The following KHDRBS2 variants were observed in gnomAD, a reference collection of about 807,000 sequenced individuals.
The protein encoded by KHDRBS2 is KH RNA binding domain containing, signal transduction associated 2, also known as KH domain-containing, RNA-binding, signal transduction-associated protein 2.
KHDRBS2 carries 26 observed loss-of-function variants against 44.3 expected under a neutral mutation model. That is an observed-to-expected ratio of 0.59 (90% CI 0.43 to 0.81). KHDRBS2 has a LOEUF of 0.81. Ranked by LOEUF, KHDRBS2 falls within the 40% of genes least tolerant of loss-of-function variation. The probability of loss-of-function intolerance (pLI) is 0.00; values close to 1 mark genes in which losing one functional copy is unlikely to be tolerated. For missense variants in KHDRBS2, 476 were observed against 433.1 expected, an observed-to-expected ratio of 1.10 and a Z score of -0.88; for synonymous variants, 194 against 151.1, an observed-to-expected ratio of 1.28 and a Z score of -2.08.
rs370270670 is a variant in KHDRBS2 at position 61,804,554 on chromosome 6, T to G, written c.811-71790A>C. Among the ~76,000 whole-genome samples, 342 of 152,252 alleles carry G rather than the reference T, an allele frequency of 2.2e-3. 2 individuals carry two copies. Among genetic ancestry groups the G allele is most frequent in the African/African-American group, 8.0e-3 (333 of 41,552 alleles). ...CCCTTCTGCACTGCCTTAGCAGAGG[T>G]TCTACATCAGGGCTCTTCCCCGGCA... On this transcript the variant is annotated intron_variant, in intron 6 of 8. Coordinates refer to ENST00000281156, the MANE Select transcript of KHDRBS2 (RefSeq NM_152688.4).
At chr6:62,139,948 C>T (rs1291316186) in intron 2 of KHDRBS2, among the ~76,000 whole-genome samples, 2 of 142,380 alleles carry the variant, frequency 1.4e-5, no homozygotes. Context: ...ACCTTACAAT[C>T]ACTATTCCTT....
At chr6:61,563,429 C>T in the KHDRBS2 span, among the ~76,000 whole-genome samples, 7 of 152,140 alleles carry the variant, frequency 4.6e-5, no homozygotes, top group South Asian at 2.1e-4. Flanking sequence ...TACCTTCTGA[C>T]GTTCTCTAAT....
intron 6 of KHDRBS2, among the ~76,000 whole-genome samples, chr6:61,828,493 C>A (rs1335389810): frequency 6.6e-6 from 1 of 152,128 alleles, no homozygotes; most frequent in East Asian, 1.9e-4. Flanking sequence ...TATCAATTAT[C>A]TTTCATTTCA....
At chr6:61,623,714 C>G in the KHDRBS2 span, among the ~76,000 whole-genome samples, 1 of 152,162 alleles carries the variant, frequency 6.6e-6, no homozygotes, top group Non-Finnish European at 1.5e-5. Context: ...ACCACAATTG[C>G]TTCAGTGCCT....
At chr6:61,600,781 T>C in the KHDRBS2 span, among the ~76,000 whole-genome samples, 1 of 152,160 alleles carries the variant, frequency 6.6e-6, no homozygotes, top group Admixed American at 6.5e-5. Context: ...TTAAATAGGA[T>C]AAGTGGCCTC....
intron 2 of KHDRBS2, among the ~76,000 whole-genome samples, chr6:62,073,620 T>C (rs1795736997): frequency 6.6e-6 from 1 of 151,346 alleles, no homozygotes; most frequent in Non-Finnish European, 1.5e-5. Context: ...GTTTATTTTT[T>C]CGAGTTTATT....
chr6:62,163,040 G>A (rs1398070970), intron 2 of KHDRBS2, among the ~76,000 whole-genome samples: 1 of 151,990 alleles, frequency 6.6e-6, no homozygotes, highest in Non-Finnish European at 1.5e-5. Context: ...AGAAACTTAT[G>A]TAAGGGCATG....
rs796139738 is a variant in KHDRBS2 at position 61,922,614 on chromosome 6, G to A, written c.484-21243C>T. 8.6e-5 allele frequency among the ~76,000 whole-genome samples: 13 copies of A among 152,036 alleles called. No homozygotes were observed. The South Asian group carries it at 1.2e-3, about 15-fold the overall frequency. ...TCACAGGGAACCAGGAGTGGAGGAG[G>A]ACCAACTAGACTAGAAATGCCATAA... On this transcript the variant is annotated intron_variant, in intron 4 of 8. Transcript: ENST00000281156.
intron 1 of KHDRBS2, among the ~76,000 whole-genome samples, chr6:62,214,622 C>T (rs1349007202): frequency 6.6e-6 from 1 of 151,814 alleles, no homozygotes; most frequent in African/African-American, 2.4e-5. Flanking sequence ...TTACCCACAT[C>T]TCTCTGACCA....
At chr6:62,097,851 C>G (rs1584680182) in intron 2 of KHDRBS2, among the ~76,000 whole-genome samples, 1 of 152,048 alleles carries the variant, frequency 6.6e-6, no homozygotes, top group East Asian at 1.9e-4. Context: ...GTGATTTTCT[C>G]CAGCGATGTG....
At chr6:62,141,687 T>C (rs186643235) in intron 2 of KHDRBS2, among the ~76,000 whole-genome samples, 3 of 152,236 alleles carry the variant, frequency 2.0e-5, no homozygotes, top group Admixed American at 2.0e-4. Context: ...TCCCTCTATA[T>C]AGTAAACATT....
the KHDRBS2 span, among the ~76,000 whole-genome samples, chr6:61,579,652 G>A: frequency 6.6e-6 from 1 of 152,144 alleles, no homozygotes; most frequent in African/African-American, 2.4e-5. Flanking sequence ...TGCAAAATTT[G>A]TGTAATTCAT....
Position 61,701,110 on chromosome 6 carries a change from T to C in KHDRBS2, c.894-3857A>G, listed in dbSNP as rs74803138. On this transcript the variant is annotated intron_variant, in intron 7 of 8. Transcript: ENST00000281156. ...AAACTGATGGCCCTTGTTATGCCAT[T>C]GCCAGTGACAACTTGGAAAGCAGGC... is the stretch of plus-strand genomic sequence containing the variant. Among the ~76,000 whole-genome samples, 1,383 of 152,014 alleles carry C rather than the reference T, an allele frequency of 9.1e-3. 12 individuals carry two copies. The highest frequency in any genetic ancestry group is 0.016 in the Non-Finnish European group (1,076 of 67,938).
At chr6:61,575,944 G>T in the KHDRBS2 span, among the ~76,000 whole-genome samples, 2 of 152,058 alleles carry the variant, frequency 1.3e-5, no homozygotes, top group Non-Finnish European at 1.5e-5. Flanking sequence ...GAACTTTGGC[G>T]AATTAGAGGG....
At chr6:61,577,636 C>T in the KHDRBS2 span, among the ~76,000 whole-genome samples, 1 of 151,756 alleles carries the variant, frequency 6.6e-6, no homozygotes, top group Non-Finnish European at 1.5e-5. Context: ...AAAAATATAC[C>T]ATGTGGATTA....
At chr6:62,242,172 CTA>C (rs1401820251) in intron 1 of KHDRBS2, among the ~76,000 whole-genome samples, 1 of 152,122 alleles carries the variant, frequency 6.6e-6, no homozygotes, top group African/African-American at 2.4e-5. Flanking sequence ...GAGGATAAAA[CTA>C]TGTTTACAGA....
chr6:62,211,074 T>C (rs977025765), intron 1 of KHDRBS2, among the ~76,000 whole-genome samples: 1 of 152,160 alleles, frequency 6.6e-6, no homozygotes, highest in African/African-American at 2.4e-5. Flanking sequence ...TTATGCCTTA[T>C]AGTGGGATAC....
intron 2 of KHDRBS2, among the ~76,000 whole-genome samples, chr6:62,092,652 C>T (rs376307787): frequency 1.3e-4 from 20 of 152,200 alleles, no homozygotes; most frequent in African/African-American, 4.6e-4. Context: ...AAGTATTTCT[C>T]CCTGGAATAG....
chr6:61,925,751 A>T (rs568836335), intron 4 of KHDRBS2, among the ~76,000 whole-genome samples: 4 of 151,076 alleles, frequency 2.6e-5, no homozygotes, highest in Non-Finnish European at 5.9e-5. Flanking sequence ...AGAAATTTGT[A>T]GTTTTGTGGG....
Sources: gnomAD v4.1 joint callset for allele counts (sites outside exome capture counted in the v4.1 genomes callset) on GRCh38, gnomAD v4.1.1 for gene constraint, MANE v1.5 for transcripts, NCBI Gene and HGNC (gene_info 2026-07-23, HGNC 2026-07-21) for gene names.